BRINP2: variants seen among roughly 807,000 people sequenced by gnomAD.
The protein encoded by BRINP2 is BMP/retinoic acid-inducible neural-specific protein 2.
BRINP2 carries 21 observed loss-of-function variants against 69.2 expected under a neutral mutation model. The observed-to-expected ratio is 0.30, with a 90% confidence interval of 0.22 to 0.44. BRINP2 has a LOEUF of 0.44. Ranked by LOEUF, BRINP2 falls within the 20% of genes least tolerant of loss-of-function variation. BRINP2 has a pLI of 1.00. For synonymous variants in BRINP2, 380 were observed against 394.1 expected (o/e 0.96, Z 0.42); for missense variants, 877 against 986.0 (o/e 0.89, Z 1.48).
intron 1 of BRINP2, among the ~76,000 whole-genome samples, chr1:177,226,209 ACCAAGGGGTGAAGTAGCTGGG>A (rs1649685397): frequency 6.6e-6 from 1 of 152,240 alleles, no homozygotes; most frequent in African/African-American, 2.4e-5. Flanking sequence ...AGATCAGTGC[ACCAAGGGGTGAAGTAGCTGGG>A]CCAAGGACAC....
At chr1:177,259,688 AT>A (rs1650882714) in intron 4 of BRINP2, among the ~76,000 whole-genome samples, 1 of 152,196 alleles carries the variant, frequency 6.6e-6, no homozygotes, top group Admixed American at 6.5e-5. Flanking sequence ...GCCCTTAAGA[AT>A]TATGCTGAAT....
At chr1:177,218,826 A>AT (rs1649446661) in intron 1 of BRINP2, among the ~76,000 whole-genome samples, 2 of 152,284 alleles carry the variant, frequency 1.3e-5, no homozygotes, top group South Asian at 4.1e-4. Flanking sequence ...ACTCAGGCTT[A>AT]TTCCCACATT....
intron 5 of BRINP2, among the ~76,000 whole-genome samples, chr1:177,274,238 A>G (rs1197203299): frequency 6.6e-6 from 1 of 152,206 alleles, no homozygotes; most frequent in African/African-American, 2.4e-5. Context: ...GCTGAGGGCT[A>G]AGGGGAGACG....
intron 1 of BRINP2, among the ~76,000 whole-genome samples, chr1:177,202,549 G>A (rs1432768177): frequency 6.6e-6 from 1 of 152,196 alleles, no homozygotes; most frequent in African/African-American, 2.4e-5. Context: ...TAGTTTGATT[G>A]CACTGTGGTC....
chr1:177,273,675 T>A, intron 5 of BRINP2, 82 bp downstream of exon 5: 2 of 817,896 alleles, frequency 2.4e-6, no homozygotes, highest in Non-Finnish European at 1.8e-6. Context: ...CGGGAAAAAA[T>A]TCTGCCTGTT....
At chr1:177,185,807 A>G (rs925224912) in intron 1 of BRINP2, among the ~76,000 whole-genome samples, 4 of 152,144 alleles carry the variant, frequency 2.6e-5, no homozygotes, top group Non-Finnish European at 4.4e-5. Context: ...CCCTGTTCAC[A>G]GCTCTATCAG....
rs114940521 is a variant in BRINP2, at chr1:177,255,611, A to G, written c.270-308A>G. 3.4e-3 allele frequency among the ~76,000 whole-genome samples: 514 copies of G among 152,346 alleles called. 2 individuals carry two copies. Among genetic ancestry groups the G allele is most frequent in the African/African-American group, 0.012 (491 of 41,572 alleles). ...CACTGTTCCAATGTTTGTTTTTTCT[A>G]CTACTCAACACTGTAAACCATGACT... On this transcript the variant is annotated intron_variant, in intron 2 of 7. Transcript: ENST00000361539.
At position 177,197,562 on chromosome 1, in the gene BRINP2, A is replaced by G. The variant is rs115787131; in HGVS notation, c.-77+25830A>G. Among the ~76,000 whole-genome samples the G allele has an allele frequency of 3.5e-3, 528 of 152,292 alleles. 1 individual carries two copies. Among genetic ancestry groups the G allele is most frequent in the African/African-American group, 0.012 (510 of 41,554 alleles). On this transcript the variant is annotated intron_variant, in intron 1 of 7. Transcript: ENST00000361539. ...GATGGTGGCTGTCTGCAAGCCAGGAAGGGAGACTTTGCCAGGAAACAAACT... is the reference window on the plus strand; with the variant it reads ...GATGGTGGCTGTCTGCAAGCCAGGAGGGGAGACTTTGCCAGGAAACAAACT...
chr1:177,276,574 G>T, intron 6 of BRINP2, 140 bp downstream of exon 6: 1 of 772,368 alleles, frequency 1.3e-6, no homozygotes, highest in Admixed American at 2.5e-5. Flanking sequence ...GTGACCTCAA[G>T]CAGGTTATAT....
intron 1 of BRINP2, among the ~76,000 whole-genome samples, chr1:177,208,635 T>A (rs1480752431): frequency 1.3e-5 from 2 of 152,106 alleles, no homozygotes; most frequent in African/African-American, 4.8e-5. Context: ...TTTCTTCATC[T>A]TCTTCTTTTT....
intron 4 of BRINP2, among the ~76,000 whole-genome samples, chr1:177,260,547 T>A (rs923285511): frequency 1.3e-5 from 2 of 151,764 alleles, no homozygotes; most frequent in African/African-American, 4.8e-5. Context: ...AAAGGAAGAG[T>A]CCATTGATGC....
At chr1:177,203,269 A>G (rs915644884) in intron 1 of BRINP2, among the ~76,000 whole-genome samples, 7 of 152,108 alleles carry the variant, frequency 4.6e-5, no homozygotes, top group Non-Finnish European at 8.8e-5. Flanking sequence ...ATAGGTGGGA[A>G]TTGAACAATG....
intron 1 of BRINP2, among the ~76,000 whole-genome samples, chr1:177,176,963 G>A (rs1007333546): frequency 6.6e-6 from 1 of 152,192 alleles, no homozygotes; most frequent in African/African-American, 2.4e-5. Context: ...GGACACAATA[G>A]TGGGATCAGC....
intron 4 of BRINP2, among the ~76,000 whole-genome samples, chr1:177,268,596 C>T (rs1230514502): frequency 6.6e-6 from 1 of 152,110 alleles, no homozygotes; most frequent in African/African-American, 2.4e-5. Context: ...ACTGAACATC[C>T]CCCTCTGTTG....
chr1:177,279,010 G>T (rs899918932), intron 7 of BRINP2, among the ~76,000 whole-genome samples: 5 of 152,186 alleles, frequency 3.3e-5, no homozygotes, highest in African/African-American at 1.2e-4. Flanking sequence ...CTAAATTATA[G>T]TTGATTCAAA....
At chr1:177,275,483 G>C (rs537346260) in intron 5 of BRINP2, among the ~76,000 whole-genome samples, 1 of 152,306 alleles carries the variant, frequency 6.6e-6, no homozygotes, top group East Asian at 1.9e-4. Context: ...ACAAGGGCAG[G>C]ATCTGACACT....
At chr1:177,252,959 T>A (rs1650629680) in intron 2 of BRINP2, among the ~76,000 whole-genome samples, 1 of 152,120 alleles carries the variant, frequency 6.6e-6, no homozygotes, top group Non-Finnish European at 1.5e-5. Flanking sequence ...TTATGGACAT[T>A]TAGGTGGATT....
chr1:177,177,327 T>A (rs1648118453), intron 1 of BRINP2, among the ~76,000 whole-genome samples: 1 of 151,898 alleles, frequency 6.6e-6, no homozygotes, highest in East Asian at 1.9e-4. Flanking sequence ...ACAACAAAAT[T>A]TGTGGACCTA....
intron 1 of BRINP2, among the ~76,000 whole-genome samples, chr1:177,220,184 C>T (rs1649483661): frequency 6.6e-6 from 1 of 152,142 alleles, no homozygotes; most frequent in African/African-American, 2.4e-5. Context: ...TCCTGGGGGC[C>T]TATCTATCTA....
Sources: gnomAD v4.1 joint callset for allele counts (sites outside exome capture counted in the v4.1 genomes callset) on GRCh38, gnomAD v4.1.1 for gene constraint, MANE v1.5 for transcripts, NCBI Gene and HGNC (gene_info 2026-07-23, HGNC 2026-07-21) for gene names.